Variants in NALF1 observed in about 807,000 individuals in gnomAD.
NALF1 encodes the protein family with sequence similarity 155 member A.
In NALF1, 3 loss-of-function variants were observed where a neutral mutation model predicts 48.4. The observed-to-expected ratio is 0.06, with a 90% CI of 0.03 to 0.16. The LOEUF (loss-of-function observed/expected upper bound fraction) is 0.16. NALF1 is among the 10% of genes least tolerant of loss of function. The pLI, the probability that NALF1 is intolerant of heterozygous loss-of-function variation, is 1.00. For synonymous variants in NALF1, 262 were observed against 245.7 expected (o/e 1.07, Z -0.62); for missense variants, 526 against 571.5 (o/e 0.92, Z 0.81).
intron 1 of NALF1, among the ~76,000 whole-genome samples, chr13:107,458,547 G>A (rs1330100498): frequency 6.6e-6 from 1 of 152,178 alleles, no homozygotes; most frequent in East Asian, 1.9e-4. Flanking sequence ...AGGGCAGCAG[G>A]TCCTCAGGGA....
intron 1 of NALF1, among the ~76,000 whole-genome samples, chr13:107,409,904 T>C (rs941632189): frequency 1.1e-3 from 169 of 152,306 alleles, no homozygotes; most frequent in African/African-American, 3.8e-3. Context: ...CCCCAGCCCA[T>C]AGCTGCATAG....
chr13:107,303,750 CTCCTGAACAA>C (rs1453142113), intron 1 of NALF1, among the ~76,000 whole-genome samples: 1 of 151,990 alleles, frequency 6.6e-6, no homozygotes, highest in African/African-American at 2.4e-5. Flanking sequence ...TTTTTTTAAT[CTCCTGAACAA>C]TTTAATTTAG....
intron 1 of NALF1, among the ~76,000 whole-genome samples, chr13:107,327,833 C>CT (rs1247717354): frequency 1.3e-5 from 2 of 152,152 alleles, no homozygotes; most frequent in East Asian, 3.9e-4. Flanking sequence ...CTCTATAAAC[C>CT]TTTGTCCTTG....
intron 1 of NALF1, among the ~76,000 whole-genome samples, chr13:107,273,804 G>A (rs189421617): frequency 6.6e-6 from 1 of 152,224 alleles, no homozygotes; most frequent in Admixed American, 6.5e-5. Context: ...AGAGAGAAGA[G>A]GGCACTTCTT....
At chr13:107,190,449 T>C (rs1879258232) in intron 2 of NALF1, among the ~76,000 whole-genome samples, 1 of 152,204 alleles carries the variant, frequency 6.6e-6, no homozygotes, top group African/African-American at 2.4e-5. Context: ...ACTTCCAAAA[T>C]ATGCCTTATT....
At chr13:107,543,738 C>T (rs945130426) in intron 1 of NALF1, among the ~76,000 whole-genome samples, 2 of 151,802 alleles carry the variant, frequency 1.3e-5, no homozygotes, top group South Asian at 2.1e-4. Flanking sequence ...TATATATACA[C>T]ACACATTTAT....
At chr13:107,526,533 T>A (rs1050084717) in intron 1 of NALF1, among the ~76,000 whole-genome samples, 2 of 152,146 alleles carry the variant, frequency 1.3e-5, no homozygotes, top group Non-Finnish European at 2.9e-5. Flanking sequence ...AGCCTGACAA[T>A]CTTAGAGGAT....
intron 1 of NALF1, among the ~76,000 whole-genome samples, chr13:107,747,620 C>T (rs570186506): frequency 1.4e-4 from 22 of 152,006 alleles, no homozygotes; most frequent in Non-Finnish European, 2.8e-4. Flanking sequence ...TGGCCACACT[C>T]GATAGTCTAT....
At chr13:107,344,414 G>T (rs1882737242) in intron 1 of NALF1, among the ~76,000 whole-genome samples, 1 of 152,142 alleles carries the variant, frequency 6.6e-6, no homozygotes, top group African/African-American at 2.4e-5. Context: ...TATCACTGAT[G>T]CATATTGATG....
intron 1 of NALF1, among the ~76,000 whole-genome samples, chr13:107,652,714 C>T (rs1880477592): frequency 6.6e-6 from 1 of 152,080 alleles, no homozygotes; most frequent in Non-Finnish European, 1.5e-5. Flanking sequence ...AGGCATTGTT[C>T]GGATATAGGC....
chr13:107,645,124 G>GC (rs1880281261), intron 1 of NALF1, among the ~76,000 whole-genome samples: 1 of 151,982 alleles, frequency 6.6e-6, no homozygotes, highest in Non-Finnish European at 1.5e-5. Context: ...TTTCATTAAT[G>GC]TACCTAGGAG....
At chr13:107,787,333 T>C (rs1189122772) in intron 1 of NALF1, among the ~76,000 whole-genome samples, 1 of 152,230 alleles carries the variant, frequency 6.6e-6, no homozygotes, top group African/African-American at 2.4e-5. Flanking sequence ...GCTGAAAATA[T>C]TATCATCACA....
intron 1 of NALF1, among the ~76,000 whole-genome samples, chr13:107,780,637 T>C (rs1282349961): frequency 6.6e-6 from 1 of 151,926 alleles, no homozygotes; most frequent in African/African-American, 2.4e-5. Context: ...CAGCTGGGAT[T>C]ACAGGCGCCC....
At chr13:107,462,370 G>A (rs1040124662) in intron 1 of NALF1, among the ~76,000 whole-genome samples, 2 of 152,118 alleles carry the variant, frequency 1.3e-5, no homozygotes, top group African/African-American at 4.8e-5. Context: ...AACATACAAT[G>A]CATATTACAT....
intron 1 of NALF1, among the ~76,000 whole-genome samples, chr13:107,452,499 T>C (rs1206996447): frequency 6.6e-6 from 1 of 152,144 alleles, no homozygotes; most frequent in Admixed American, 6.5e-5. Context: ...CTCACTATCA[T>C]GAGAACAGCA....
At chr13:107,397,083 T>C (rs888694926) in intron 1 of NALF1, among the ~76,000 whole-genome samples, 2 of 152,168 alleles carry the variant, frequency 1.3e-5, no homozygotes, top group East Asian at 1.9e-4. Context: ...CAAGGTCTGG[T>C]TGGAACTCTG....
At chr13:107,757,406 C>G (rs1877133283) in intron 1 of NALF1, among the ~76,000 whole-genome samples, 1 of 147,104 alleles carries the variant, frequency 6.8e-6, no homozygotes, top group Admixed American at 7.0e-5. Flanking sequence ...ACAACACTGG[C>G]CCTCATTTCT....
At chr13:107,494,581 A>T (rs1181724634) in intron 1 of NALF1, among the ~76,000 whole-genome samples, 1 of 152,216 alleles carries the variant, frequency 6.6e-6, no homozygotes, top group Non-Finnish European at 1.5e-5. Flanking sequence ...TCATTGCTGC[A>T]TAACTGAGCA....
chr13:107,742,193 C>T (rs1472868857), intron 1 of NALF1, among the ~76,000 whole-genome samples: 2 of 152,170 alleles, frequency 1.3e-5, no homozygotes, highest in African/African-American at 4.8e-5. Flanking sequence ...TCGCCTTGTC[C>T]TTTGATGGAT....
Sources: allele counts gnomAD v4.1 joint callset (sites outside exome capture counted in the v4.1 genomes callset), GRCh38; gene constraint gnomAD v4.1.1; transcripts MANE v1.5; gene names NCBI Gene and HGNC (gene_info 2026-07-23, HGNC 2026-07-21).